The following CPLX1 variants were observed in gnomAD, a reference collection of about 807,000 sequenced individuals.
CPLX1 encodes the protein complexin-1.
In CPLX1, 6 loss-of-function variants were observed where a neutral mutation model predicts 15.6. That is an observed-to-expected ratio of 0.39 (90% CI 0.21 to 0.76). The LOEUF is 0.76. Ranked by LOEUF, CPLX1 falls within the 30% of genes least tolerant of loss-of-function variation. The pLI, the probability that CPLX1 is intolerant of heterozygous loss-of-function variation, is 0.43. For missense variants in CPLX1, 242 were observed against 188.6 expected (o/e 1.28, Z -1.66); for synonymous variants, 91 against 75.2 (o/e 1.21, Z -1.08).
intron 3 of CPLX1, chr4:788,254 G>A: frequency 1.0e-6 from 1 of 984,878 alleles, no homozygotes; most frequent in Non-Finnish European, 1.2e-6. Flanking sequence ...CCCAAATGGA[G>A]GGGGGGCTGC....
intron 2 of CPLX1, chr4:804,945 C>T (rs1746527182): frequency 1.0e-6 from 1 of 982,716 alleles, no homozygotes; most frequent in Non-Finnish European, 1.2e-6. Context: ...GTGCGGAGTT[C>T]ACCCGGCGTC....
chr4:824,995 A>G (rs1746950377), intron 1 of CPLX1: 2 of 355,576 alleles, frequency 5.6e-6, no homozygotes, highest in South Asian at 4.2e-5. Flanking sequence ...GCCGTGGAGA[A>G]GGGTTGGGGG....
chr4:799,356 C>T (rs572654239), intron 2 of CPLX1, among the ~76,000 whole-genome samples: 17 of 152,286 alleles, frequency 1.1e-4, no homozygotes, highest in African/African-American at 3.4e-4. Context: ...CCTCAAGAGG[C>T]GGGGTTCAGG....
intron 2 of CPLX1, chr4:804,979 A>G (rs1288337874): frequency 6.1e-6 from 6 of 976,958 alleles, no homozygotes; most frequent in Non-Finnish European, 7.3e-6. Context: ...GCGGCCGGCT[A>G]GGGCGGGTGC....
intron 2 of CPLX1, among the ~76,000 whole-genome samples, chr4:822,979 G>A (rs1474752388): frequency 2.0e-5 from 3 of 152,224 alleles, no homozygotes; most frequent in Non-Finnish European, 4.4e-5. Flanking sequence ...GCTGAGCGAC[G>A]CCTGCCCGGT....
intron 1 of CPLX1, among the ~76,000 whole-genome samples, chr4:825,720 C>G (rs374081220): frequency 1.3e-5 from 2 of 149,790 alleles, no homozygotes; most frequent in African/African-American, 4.9e-5. Context: ...TGGACAGCGC[C>G]CGCCCCGGAC....
chr4:788,629 C>T (rs1351814888), intron 3 of CPLX1: 2 of 979,554 alleles, frequency 2.0e-6, no homozygotes, highest in Non-Finnish European at 1.2e-6. Context: ...GATTGGTTCT[C>T]GTCCTAGCCA....
rs537720043 is a variant in CPLX1, at chr4:787,396, C to T, written c.208-698G>A. 19 of 984,320 alleles carry T rather than the reference C, an allele frequency of 1.9e-5. 1 individual carries two copies. Among genetic ancestry groups the T allele is most frequent in the East Asian group, 2.3e-4 (2 of 8,812 alleles). The allele number at this position is 984,320 out of a possible 1,614,324, so 61.0% of individuals were successfully genotyped here. On this transcript the variant is annotated intron_variant, in intron 3 of 3. Coordinates refer to ENST00000304062, the MANE Select transcript of CPLX1 (RefSeq NM_006651.4). Reference sequence around the variant, plus strand: ...GCCCTCCGTAGTAGCTGAATATTGTCCCCCTCAAATTCATATTGCCTGGAG... The same window carrying T: ...GCCCTCCGTAGTAGCTGAATATTGTTCCCCTCAAATTCATATTGCCTGGAG...
chr4:785,003 C>G lies in CPLX1; in HGVS notation c.*1498G>C, dbSNP rs925195031. On this transcript the variant is annotated 3_prime_UTR_variant, in exon 4 of 4. Coordinates refer to ENST00000304062, the MANE Select transcript of CPLX1 (RefSeq NM_006651.4). Reference sequence around the variant, plus strand: ...GCTGTGATTCCATCCGGAGAGAACACACGCAGGGGCCCCGACATGCAGGAG... The same window carrying G: ...GCTGTGATTCCATCCGGAGAGAACAGACGCAGGGGCCCCGACATGCAGGAG... 1.3e-5 allele frequency: 2 copies of G among 152,308 alleles called. No individual in the cohort carries two copies. Among genetic ancestry groups the G allele is most frequent in the Admixed American group, 6.5e-5 (1 of 15,288 alleles). 9.4% of individuals were successfully genotyped at this position (152,308 alleles called of 1,614,324 possible). A position where few individuals can be genotyped will look rare whatever the true frequency, so the allele number is the denominator to read the frequency against.
chr4:787,732 C>T (rs1021035919), intron 3 of CPLX1: 5 of 985,118 alleles, frequency 5.1e-6, no homozygotes, highest in African/African-American at 1.7e-5. Context: ...TGTCAGGCCC[C>T]GGGGTTTTGG....
chr4:788,572 C>T (rs1746071854), intron 3 of CPLX1: 1 of 985,480 alleles, frequency 1.0e-6, no homozygotes, highest in Non-Finnish European at 1.2e-6. Flanking sequence ...CCCAGAGGGC[C>T]CTGCAGGCCC....
intron 2 of CPLX1, among the ~76,000 whole-genome samples, chr4:809,215 C>T (rs552368109): frequency 6.3e-4 from 96 of 152,358 alleles, no homozygotes; most frequent in Non-Finnish European, 1.0e-3. Flanking sequence ...TCAGGGCTGG[C>T]GGGTGGCTCT....
At chr4:796,404 G>A (rs547967793) in intron 2 of CPLX1, among the ~76,000 whole-genome samples, 33 of 152,188 alleles carry the variant, frequency 2.2e-4, no homozygotes, top group African/African-American at 7.0e-4. Context: ...CCTTGCCTCC[G>A]CCTCCTGAGT....
chr4:824,394 G>T, intron 2 of CPLX1, 98 bp downstream of exon 2: 1 of 1,120,836 alleles, frequency 8.9e-7, no homozygotes, highest in Non-Finnish European at 1.3e-6. Context: ...CCGTGTGGCT[G>T]CAGGGGCGCT....
chr4:803,532 A>AGGAGTCCGCCAC (rs1553853606), intron 2 of CPLX1, among the ~76,000 whole-genome samples: 1 of 151,588 alleles, frequency 6.6e-6, no homozygotes, highest in African/African-American at 2.4e-5. Flanking sequence ...CTGGGACTGC[A>AGGAGTCCGCCAC]GGCGTCCGCC....
chr4:787,057 G>C (rs1746017373), intron 3 of CPLX1: 1 of 985,410 alleles, frequency 1.0e-6, no homozygotes, highest in African/African-American at 1.7e-5. Flanking sequence ...GGAGGGGTGG[G>C]CAGGATGCTG....
At position 786,180 on chromosome 4, in the gene CPLX1, A is replaced by G; in HGVS notation, c.*321T>C. 1 of 197,308 alleles carries G rather than the reference A, an allele frequency of 5.1e-6. No individual in the cohort carries two copies. Among genetic ancestry groups the G allele is most frequent in the Non-Finnish European group, 1.0e-5 (1 of 98,080 alleles). The allele number at this position is 197,308 out of a possible 1,614,324, so 12.2% of individuals were successfully genotyped here. ...GGCGCCCACCGCCGCGAACGCGCGCACAGGGGTGGTCGCGGGGCTGCCCTT... is the reference window on the plus strand; with the variant it reads ...GGCGCCCACCGCCGCGAACGCGCGCGCAGGGGTGGTCGCGGGGCTGCCCTT... On this transcript the variant is annotated 3_prime_UTR_variant, in exon 4 of 4. Transcript: ENST00000304062.
chr4:798,272 C>CAAAA (rs35668656), intron 2 of CPLX1, among the ~76,000 whole-genome samples: 23 of 75,374 alleles, frequency 3.1e-4, no homozygotes, highest in Non-Finnish European at 5.2e-4. Flanking sequence ...GACTCCGTCT[C>CAAAA]AAAAAAAAAA....
rs201057787 is a variant in CPLX1, at chr4:798,415, TCTG to T, written c.32-5810_32-5808del. Among the ~76,000 whole-genome samples the T allele has an allele frequency of 9.9e-3, 1,512 of 152,320 alleles. 29 individuals carry two copies. The highest frequency in any genetic ancestry group is 0.035 in the African/African-American group (1,439 of 41,568). ...AATGAGGGTGAGGATAGTCCTTACT[TCTG>T]TTTTCTTTTCTTAGACAGGGTCTTG... On this transcript the variant is annotated intron_variant, in intron 2 of 3. Transcript: ENST00000304062.
Sources: allele counts gnomAD v4.1 joint callset (sites outside exome capture counted in the v4.1 genomes callset), GRCh38; gene constraint gnomAD v4.1.1; transcripts MANE v1.5; gene names NCBI Gene and HGNC (gene_info 2026-07-23, HGNC 2026-07-21).